Variants in RPS6KA3 observed in about 807,000 individuals in gnomAD.
RPS6KA3 encodes ribosomal protein S6 kinase alpha-3.
Under a neutral mutation model 67.2 loss-of-function variants are expected in RPS6KA3, and 4 were observed. That is an observed-to-expected ratio of 0.06 (90% CI 0.03 to 0.14). The LOEUF is 0.14. RPS6KA3 is among the 10% of genes least tolerant of loss of function. RPS6KA3 has a pLI of 1.00. For missense variants in RPS6KA3, 204 were observed against 559.0 expected, an observed-to-expected ratio of 0.36 and a Z score of 6.40; for synonymous variants, 182 against 183.7, an observed-to-expected ratio of 0.99 and a Z score of 0.07.
chrX:20,259,078 T>C (rs2070152466), intron 1 of RPS6KA3, among the ~76,000 whole-genome samples: 1 of 111,791 alleles, frequency 8.9e-6, no homozygotes, highest in Non-Finnish European at 1.9e-5. Context: ...GCCCAGCAAA[T>C]ACCCCTGACC....
At chrX:20,218,776 T>C in intron 2 of RPS6KA3, 1 of 1,052,831 alleles carries the variant, frequency 9.5e-7, no homozygotes, top group Non-Finnish European at 1.3e-6. Flanking sequence ...TTTTATTCTA[T>C]AAAAGAAGCT....
intron 16 of RPS6KA3, among the ~76,000 whole-genome samples, chrX:20,168,737 A>T (rs1040248854): frequency 8.0e-5 from 9 of 112,552 alleles, no homozygotes; most frequent in African/African-American, 2.9e-4. Context: ...CTTAAAGCAA[A>T]AGTAGAAAAA....
intron 2 of RPS6KA3, among the ~76,000 whole-genome samples, chrX:20,225,249 T>TG (rs1569250064): frequency 2.0e-4 from 19 of 96,855 alleles, no homozygotes; most frequent in African/African-American, 6.7e-4. Flanking sequence ...TTTTGTTTTT[T>TG]TTTTTGTTTT....
chrX:20,169,180 G>T (rs2067513555), intron 16 of RPS6KA3, among the ~76,000 whole-genome samples: 1 of 111,313 alleles, frequency 9.0e-6, no homozygotes, highest in Non-Finnish European at 1.9e-5. Flanking sequence ...ATTTTTTTTT[G>T]TAGAGATGGA....
At chrX:20,161,197 T>C (rs1345827888) in intron 20 of RPS6KA3, among the ~76,000 whole-genome samples, 1 of 112,255 alleles carries the variant, frequency 8.9e-6, no homozygotes, top group Admixed American at 9.4e-5. Flanking sequence ...ATGAGGGCTG[T>C]GGAATCATAT....
At chrX:20,229,120 T>C (rs1026840656) in intron 2 of RPS6KA3, among the ~76,000 whole-genome samples, 1 of 110,978 alleles carries the variant, frequency 9.0e-6, no homozygotes, top group Non-Finnish European at 1.9e-5. Context: ...AAGTGCCTTT[T>C]TTTTTTTCCC....
chrX:20,266,557 C>T lies in RPS6KA3; in HGVS notation c.69+7G>A, dbSNP rs2070392654. On this transcript the variant is annotated splice_region_variant and intron_variant, in intron 1 of 21. Coordinates refer to ENST00000379565, the MANE Select transcript of RPS6KA3 (RefSeq NM_004586.3). ...TGCGCCGGCCCCGGCCGCCCTGCTG[C>T]ACTCACCTCAGCGCTGTCGGACGGG... 1 of 1,148,487 alleles carries T rather than the reference C, an allele frequency of 8.7e-7. No individual in the cohort carries two copies. The highest frequency in any genetic ancestry group is 1.2e-6 in the Non-Finnish European group (1 of 863,692). The allele number at this position is 1,148,487 out of a possible 1,213,427, so 94.6% of individuals were successfully genotyped here.
chrX:20,193,210 GGAGATTGCAGTGAGCT>G (rs958658627), intron 7 of RPS6KA3, among the ~76,000 whole-genome samples: 8 of 111,336 alleles, frequency 7.2e-5, no homozygotes, highest in African/African-American at 2.6e-4. Context: ...TCTGGGAGGT[GGAGATTGCAGTGAGCT>G]GAGATTGCGC....
intron 2 of RPS6KA3, among the ~76,000 whole-genome samples, chrX:20,221,494 T>C (rs1033131170): frequency 3.6e-5 from 4 of 112,140 alleles, no homozygotes; most frequent in African/African-American, 1.3e-4. Flanking sequence ...GTCTTTTCTA[T>C]GCACATATAT....
At chrX:20,244,971 G>A (rs1321656528) in intron 1 of RPS6KA3, among the ~76,000 whole-genome samples, 3 of 111,822 alleles carry the variant, frequency 2.7e-5, no homozygotes, top group Non-Finnish European at 3.8e-5. Flanking sequence ...ATAAAAATTA[G>A]GTAAACAAAA....
rs1016415685 is a variant in RPS6KA3, at chrX:20,233,528, C to T, written c.126+1230G>A. Among the ~76,000 whole-genome samples, 4 of 110,613 alleles carry T rather than the reference C, an allele frequency of 3.6e-5. No individual in the cohort carries two copies. The Admixed American group carries it at 3.8e-4, about 11-fold the overall frequency. Reference sequence around the variant, plus strand: ...ATGAGGCAGGAGGATTGCCTGAGGCCAGGAGTTCAAGACCAGCCTGGGCAA... The same window carrying T: ...ATGAGGCAGGAGGATTGCCTGAGGCTAGGAGTTCAAGACCAGCCTGGGCAA... On this transcript the variant is annotated intron_variant, in intron 2 of 21. Coordinates refer to ENST00000379565, the MANE Select transcript of RPS6KA3 (RefSeq NM_004586.3).
chrX:20,255,198 G>A (rs752752990), intron 1 of RPS6KA3, among the ~76,000 whole-genome samples: 1 of 111,841 alleles, frequency 8.9e-6, no homozygotes, highest in African/African-American at 3.3e-5. Flanking sequence ...TATGAACCTT[G>A]AAACATGCAA....
At chrX:20,211,103 CTG>C (rs1461807322) in intron 2 of RPS6KA3, among the ~76,000 whole-genome samples, 2 of 110,701 alleles carry the variant, frequency 1.8e-5, no homozygotes, top group African/African-American at 6.6e-5. Flanking sequence ...CATATCAACC[CTG>C]TGTTAGGTGT....
At chrX:20,160,762 A>G (rs1322120197) in intron 20 of RPS6KA3, among the ~76,000 whole-genome samples, 1 of 111,939 alleles carries the variant, frequency 8.9e-6, no homozygotes, top group Non-Finnish European at 1.9e-5. Flanking sequence ...ATAAAACCAA[A>G]TATTATCTAT....
chrX:20,170,044 C>T (rs148213783), intron 15 of RPS6KA3, among the ~76,000 whole-genome samples: 1,845 of 112,139 alleles, frequency 0.016, 35 homozygotes, highest in African/African-American at 0.048. Context: ...TGAAGTTAGG[C>T]AGAAAGCTAC....
At chrX:20,165,864 C>T (rs1008464633) in intron 17 of RPS6KA3, among the ~76,000 whole-genome samples, 1 of 111,001 alleles carries the variant, frequency 9.0e-6, no homozygotes, top group African/African-American at 3.3e-5. Flanking sequence ...CCCCCTTATC[C>T]GTGGCGTATA....
At position 20,151,957 on chromosome X, in the gene RPS6KA3, T is replaced by C. The variant is rs188000869; in HGVS notation, c.*3441A>G. The C allele has an allele frequency of 1.8e-5, 2 of 112,184 alleles. No individual in the cohort carries two copies. The highest frequency in any genetic ancestry group is 3.8e-5 in the Non-Finnish European group (2 of 53,309). The allele number at this position is 112,184 out of a possible 1,213,427, so 9.2% of individuals were successfully genotyped here. ...GCTGAAGGTGCAGGGCACAGCTAAC[T>C]GGACAGCCCCACCTCCCATGATGTC... On this transcript the variant is annotated 3_prime_UTR_variant, in exon 22 of 22. Transcript: ENST00000379565.
At chrX:20,247,363 GA>G (rs1437129152) in intron 1 of RPS6KA3, among the ~76,000 whole-genome samples, 2 of 111,831 alleles carry the variant, frequency 1.8e-5, no homozygotes, top group Non-Finnish European at 3.8e-5. Context: ...CCGGGAGGCA[GA>G]GGTTACAGTG....
At chrX:20,255,913 C>G (rs747270484) in intron 1 of RPS6KA3, among the ~76,000 whole-genome samples, 6 of 102,884 alleles carry the variant, frequency 5.8e-5, no homozygotes, top group Non-Finnish European at 1.2e-4. Context: ...AGTTTGAGAC[C>G]AGCCTGGCCA....
Sources: gnomAD v4.1 joint callset for allele counts (sites outside exome capture counted in the v4.1 genomes callset) on GRCh38, gnomAD v4.1.1 for gene constraint, MANE v1.5 for transcripts, NCBI Gene and HGNC (gene_info 2026-07-23, HGNC 2026-07-21) for gene names.